The following DEPTOR variants were observed in gnomAD, a reference collection of about 807,000 sequenced individuals.
DEPTOR encodes DEP domain-containing mTOR-interacting protein.
DEPTOR carries 41 observed loss-of-function variants against 41.6 expected under a neutral mutation model. The ratio of observed to expected loss-of-function variants is 0.98; its 90% CI spans 0.77 to 1.28. DEPTOR has a LOEUF of 1.28. Ranked by LOEUF, DEPTOR falls within the 50% of genes most tolerant of loss-of-function variation. The probability of loss-of-function intolerance (pLI) is 0.00; values close to 1 mark genes in which losing one functional copy is unlikely to be tolerated. For synonymous variants in DEPTOR, 195 were observed against 192.3 expected (o/e 1.01, Z -0.12); for missense variants, 514 against 527.9 (o/e 0.97, Z 0.26).
chr8:119,929,132 A>G (rs540341737), intron 2 of DEPTOR, among the ~76,000 whole-genome samples: 1 of 152,156 alleles, frequency 6.6e-6, no homozygotes, highest in Non-Finnish European at 1.5e-5. Context: ...GGGCATTTAC[A>G]TGGTTTCCAA....
At chr8:119,971,940 G>A (rs764050810) in intron 4 of DEPTOR, among the ~76,000 whole-genome samples, 1 of 152,144 alleles carries the variant, frequency 6.6e-6, no homozygotes, top group East Asian at 1.9e-4. Context: ...TAGGCAGGCC[G>A]ATACAACACA....
intron 3 of DEPTOR, among the ~76,000 whole-genome samples, chr8:119,964,388 G>A (rs1828528800): frequency 6.6e-6 from 1 of 151,894 alleles, no homozygotes; most frequent in African/African-American, 2.4e-5. Flanking sequence ...AGTGGCATGT[G>A]CCTGTAATCC....
chr8:120,037,454 A>G (rs781400643), intron 8 of DEPTOR, among the ~76,000 whole-genome samples: 6 of 152,206 alleles, frequency 3.9e-5, no homozygotes, highest in Non-Finnish European at 7.3e-5. Flanking sequence ...GGAATTGGTA[A>G]TGTCAGTTAA....
At chr8:119,956,336 G>A (rs776670318) in intron 3 of DEPTOR, among the ~76,000 whole-genome samples, 6 of 152,292 alleles carry the variant, frequency 3.9e-5, no homozygotes, top group Admixed American at 6.5e-5. Flanking sequence ...ATAAGGAAGC[G>A]CTAAGGCTGG....
At chr8:119,958,368 G>A (rs1466419242) in intron 3 of DEPTOR, among the ~76,000 whole-genome samples, 3 of 152,104 alleles carry the variant, frequency 2.0e-5, no homozygotes, top group African/African-American at 7.2e-5. Flanking sequence ...GCATTCCAAG[G>A]GGCAAAGGTG....
At chr8:120,043,843 C>G (rs1163588354) in intron 8 of DEPTOR, among the ~76,000 whole-genome samples, 1 of 152,004 alleles carries the variant, frequency 6.6e-6, no homozygotes, top group Non-Finnish European at 1.5e-5. Context: ...GAAACCCCGT[C>G]TCTACTAAAA....
chr8:119,991,068 TTC>T (rs1812157398), intron 4 of DEPTOR, among the ~76,000 whole-genome samples: 1 of 71,736 alleles, frequency 1.4e-5, no homozygotes, highest in African/African-American at 5.1e-5. Flanking sequence ...CTTTCTTTCT[TTC>T]TTTCTTTCTT....
chr8:119,957,320 G>A (rs769233537), intron 3 of DEPTOR, among the ~76,000 whole-genome samples: 4 of 152,148 alleles, frequency 2.6e-5, no homozygotes, highest in Non-Finnish European at 5.9e-5. Flanking sequence ...CATAGACAGG[G>A]ACTCTGGTCT....
At chr8:119,878,376 G>A (rs1827254962) in intron 1 of DEPTOR, among the ~76,000 whole-genome samples, 3 of 149,654 alleles carry the variant, frequency 2.0e-5, no homozygotes, top group South Asian at 2.1e-4. Flanking sequence ...CTGGAGTGCG[G>A]TGGCACTATC....
At chr8:119,916,266 ATTTTT>A (rs71304925) in intron 1 of DEPTOR, among the ~76,000 whole-genome samples, 1,516 of 123,304 alleles carry the variant, frequency 0.012, 56 homozygotes, top group East Asian at 0.019. Flanking sequence ...GGCTAGGCTA[ATTTTT>A]TTTTTTTTTT....
At chr8:119,903,225 A>G (rs889292975) in intron 1 of DEPTOR, among the ~76,000 whole-genome samples, 1 of 152,072 alleles carries the variant, frequency 6.6e-6, no homozygotes, top group Non-Finnish European at 1.5e-5. Context: ...CAGCCTCCCA[A>G]GTAGCTGGGA....
At chr8:119,953,747 C>T (rs1828383115) in intron 3 of DEPTOR, among the ~76,000 whole-genome samples, 1 of 151,648 alleles carries the variant, frequency 6.6e-6, no homozygotes, top group African/African-American at 2.4e-5. Context: ...GTAAGACCCT[C>T]TCTGGAATGG....
In DEPTOR at chr8:119,882,011, G is replaced by T. The variant is rs192463358; in HGVS notation, c.122+8043G>T. On this transcript the variant is annotated intron_variant, in intron 1 of 8. Transcript: ENST00000286234. ...GTTCGAGTGATTGTCCCGCCTCAGC[G>T]TCCTGAGTAGCTGGGATTACAGGCA... Among the ~76,000 whole-genome samples the T allele has an allele frequency of 6.6e-5, 10 of 152,170 alleles. No individual in the cohort carries two copies. The East Asian group carries it at 1.9e-3, about 29-fold the overall frequency.
At chr8:119,920,988 T>TG (rs1827884796) in intron 1 of DEPTOR, among the ~76,000 whole-genome samples, 1 of 101,810 alleles carries the variant, frequency 9.8e-6, no homozygotes, top group African/African-American at 3.1e-5. Flanking sequence ...AGGTTTTTTT[T>TG]TTTTTTGAGA....
intron 1 of DEPTOR, among the ~76,000 whole-genome samples, chr8:119,888,261 C>A (rs1827399412): frequency 6.6e-6 from 1 of 152,082 alleles, no homozygotes; most frequent in South Asian, 2.1e-4. Context: ...CCAAGTGATG[C>A]CACACTCGTA....
chr8:120,002,791 A>AAAATATATATATATATATATATATATAT, intron 5 of DEPTOR, among the ~76,000 whole-genome samples, 186 bp from the exon 6 acceptor site: 141 of 60,546 alleles, frequency 2.3e-3, no homozygotes, highest in Non-Finnish European at 2.9e-3. Flanking sequence ...AAAAAAAAAA[A>AAAATATATATATATATATATATATATAT]ATATATATAT....
At chr8:120,010,206 T>TA (rs1178087279) in intron 8 of DEPTOR, among the ~76,000 whole-genome samples, 3 of 148,838 alleles carry the variant, frequency 2.0e-5, no homozygotes, top group African/African-American at 7.6e-5. Flanking sequence ...TTTTATGGAT[T>TA]AAATGTGTGG....
chr8:119,999,463 A>G (rs1189872364), intron 4 of DEPTOR, among the ~76,000 whole-genome samples: 1 of 152,024 alleles, frequency 6.6e-6, no homozygotes, highest in African/African-American at 2.4e-5. Context: ...ATATCACTCT[A>G]AAGTGTGGAT....
chr8:119,970,116 T>C (rs1159186023), intron 4 of DEPTOR, among the ~76,000 whole-genome samples: 5 of 152,192 alleles, frequency 3.3e-5, no homozygotes, highest in Non-Finnish European at 5.9e-5. Flanking sequence ...TGGATATATA[T>C]ATATGCATGT....
Sources: allele counts gnomAD v4.1 joint callset (sites outside exome capture counted in the v4.1 genomes callset), GRCh38; gene constraint gnomAD v4.1.1; transcripts MANE v1.5; gene names NCBI Gene and HGNC (gene_info 2026-07-23, HGNC 2026-07-21).